INPP4A: variants seen among roughly 807,000 people sequenced by gnomAD.
INPP4A encodes the protein inositol polyphosphate-4-phosphatase type I A, also known as inositol polyphosphate-4-phosphatase, type I, 107kD.
Under a neutral mutation model 119.8 loss-of-function variants are expected in INPP4A, and 33 were observed. That is an observed-to-expected ratio of 0.28 (90% CI 0.21 to 0.37). INPP4A has a LOEUF of 0.37. Ranked by LOEUF, INPP4A falls within the 10% of genes least tolerant of loss-of-function variation. INPP4A has a pLI of 1.00. For synonymous variants in INPP4A, 496 were observed against 500.7 expected (o/e 0.99, Z 0.12); for missense variants, 956 against 1,289.9 (o/e 0.74, Z 3.97).
rs199734337 is a variant in INPP4A at position 98,590,420 on chromosome 2, ACT to A, written c.*2815_*2816del. 1.2e-3 allele frequency: 222 copies of A among 188,118 alleles called. 1 individual carries two copies. Among genetic ancestry groups the A allele is most frequent in the African/African-American group, 5.0e-3 (214 of 42,872 alleles). The allele number at this position is 188,118 out of a possible 1,614,324, so 11.7% of individuals were successfully genotyped here. A position where few individuals can be genotyped will look rare whatever the true frequency, so the allele number is the denominator to read the frequency against. On this transcript the variant is annotated 3_prime_UTR_variant, in exon 25 of 25. Transcript: ENST00000409851. Reference sequence around the variant, plus strand: ...TGGTTCTGCCCCTGACTGGCTGGTGACTCTGAGCAAGTTGCTTGACCTCTCCA... The same window carrying A: ...TGGTTCTGCCCCTGACTGGCTGGTGACTGAGCAAGTTGCTTGACCTCTCCA...
In INPP4A at chr2:98,591,625, A is replaced by T. The variant is rs1700409102; in HGVS notation, c.*4017A>T. 1 of 152,102 alleles carries T rather than the reference A, an allele frequency of 6.6e-6. No homozygotes were observed. Among genetic ancestry groups the T allele is most frequent in the African/African-American group, 2.4e-5 (1 of 41,380 alleles). The allele number at this position is 152,102 out of a possible 1,614,324, so 9.4% of individuals were successfully genotyped here. A position where few individuals can be genotyped will look rare whatever the true frequency, so the allele number is the denominator to read the frequency against. On this transcript the variant is annotated 3_prime_UTR_variant, in exon 25 of 25. Transcript: ENST00000409851. ...GGTGCTGCGCTTCAGTTTCCTGTTG[A>T]GTCTCTGCTTAGTAGATGACTTGGC...
Position 98,572,776 on chromosome 2 carries a change from G to C in INPP4A, c.2519-39G>C, listed in dbSNP as rs542443091. On this transcript the variant is annotated intron_variant, in intron 22 of 24. Coordinates refer to ENST00000409851, the MANE Select transcript of INPP4A (RefSeq NM_001134225.2). ...CTCCCTCTGCCGGGGGAGTTCCTGGGTGCGTCACCCACTCCCACGAACTCC... is the reference window on the plus strand; with the variant it reads ...CTCCCTCTGCCGGGGGAGTTCCTGGCTGCGTCACCCACTCCCACGAACTCC... 1.4e-5 allele frequency: 21 copies of C among 1,448,670 alleles called. No individual in the cohort carries two copies. The South Asian group carries it at 2.7e-4, about 18-fold the overall frequency. The allele number at this position is 1,448,670 out of a possible 1,614,324, so 89.7% of individuals were successfully genotyped here.
intron 11 of INPP4A, among the ~76,000 whole-genome samples, chr2:98,544,662 A>G (rs925206445): frequency 2.0e-5 from 3 of 152,156 alleles, no homozygotes; most frequent in African/African-American, 7.2e-5. Context: ...TCATTACTCT[A>G]TATATTGCTT....
At chr2:98,500,389 C>T (rs962740393) in intron 1 of INPP4A, among the ~76,000 whole-genome samples, 9 of 152,156 alleles carry the variant, frequency 5.9e-5, no homozygotes, top group Admixed American at 1.3e-4. Context: ...GGCGTGCTGT[C>T]CTCCATGCAT....
intron 4 of INPP4A, among the ~76,000 whole-genome samples, chr2:98,530,155 A>G (rs1688944607): frequency 6.6e-6 from 1 of 152,122 alleles, no homozygotes; most frequent in African/African-American, 2.4e-5. Flanking sequence ...TTTTCTAGAT[A>G]AATAACAAAC....
intron 1 of INPP4A, among the ~76,000 whole-genome samples, chr2:98,472,853 T>G (rs1676333472): frequency 6.6e-6 from 1 of 152,228 alleles, no homozygotes; most frequent in African/African-American, 2.4e-5. Context: ...CCTCCAGGCC[T>G]CCCTCTCCAT....
rs1250696631 is a variant in INPP4A at position 98,590,768 on chromosome 2, G to A, written c.*3160G>A. The A allele has an allele frequency of 1.8e-5, 4 of 225,310 alleles. No homozygotes were observed. The highest frequency in any genetic ancestry group is 8.9e-5 in the African/African-American group (4 of 44,934). 14.0% of individuals were successfully genotyped at this position (225,310 alleles called of 1,614,324 possible). A position where few individuals can be genotyped will look rare whatever the true frequency, so the allele number is the denominator to read the frequency against. Reference sequence around the variant, plus strand: ...CTCTCACTGGAAATGTACAATTAAAGGATGATTGAAATGTTTAACTCTTGG... The same window carrying A: ...CTCTCACTGGAAATGTACAATTAAAAGATGATTGAAATGTTTAACTCTTGG... On this transcript the variant is annotated 3_prime_UTR_variant, in exon 25 of 25. Coordinates refer to ENST00000409851, the MANE Select transcript of INPP4A (RefSeq NM_001134225.2).
Position 98,450,993 on chromosome 2 carries a change from A to G in INPP4A, c.-166+5908A>G, listed in dbSNP as rs1695124697. ...ACCATGTTGGCCAGGCTGTTCTTGA[A>G]CTCCTCACCTCAGGTGATCCACCCA... is the stretch of plus-strand genomic sequence containing the variant. On this transcript the variant is annotated intron_variant, in intron 1 of 24. Transcript: ENST00000409851. Among the ~76,000 whole-genome samples, 4 of 150,458 alleles carry G rather than the reference A, an allele frequency of 2.7e-5. 1 individual carries two copies. The South Asian group carries it at 8.5e-4, about 32-fold the overall frequency.
At chr2:98,504,045 GC>G (rs1257468604) in intron 1 of INPP4A, among the ~76,000 whole-genome samples, 1 of 152,196 alleles carries the variant, frequency 6.6e-6, no homozygotes, top group African/African-American at 2.4e-5. Context: ...TTTAAAAACT[GC>G]ATTTCTTTTT....
At chr2:98,524,758 A>G (rs1025670093) in intron 4 of INPP4A, among the ~76,000 whole-genome samples, 3 of 152,362 alleles carry the variant, frequency 2.0e-5, no homozygotes, top group South Asian at 4.1e-4. Context: ...GTCCAGGCAG[A>G]CATAATAGAA....
intron 24 of INPP4A, among the ~76,000 whole-genome samples, chr2:98,586,062 G>A (rs557133662): frequency 2.0e-5 from 3 of 152,224 alleles, no homozygotes; most frequent in Non-Finnish European, 4.4e-5. Flanking sequence ...CTGAATGAAT[G>A]TTAGGCAAAC....
chr2:98,553,068 C>T (rs1168637088), intron 14 of INPP4A, 99 bp downstream of exon 14: 9 of 927,020 alleles, frequency 9.7e-6, no homozygotes, highest in South Asian at 1.7e-5. Context: ...CCACAAAGAG[C>T]GTGACATTGG....
At chr2:98,585,081 C>T (rs1490267376) in intron 24 of INPP4A, among the ~76,000 whole-genome samples, 2 of 152,178 alleles carry the variant, frequency 1.3e-5, no homozygotes, top group African/African-American at 4.8e-5. Context: ...GAGTGGTTCT[C>T]TTTGGATGGT....
chr2:98,499,953 G>A (rs1320767446), intron 1 of INPP4A, among the ~76,000 whole-genome samples: 1 of 152,204 alleles, frequency 6.6e-6, no homozygotes, highest in African/African-American at 2.4e-5. Context: ...GGGTGTACTT[G>A]TGTCCGTGGG....
chr2:98,491,413 A>G (rs914691116), intron 1 of INPP4A, among the ~76,000 whole-genome samples: 3 of 152,170 alleles, frequency 2.0e-5, no homozygotes, highest in Non-Finnish European at 4.4e-5. Context: ...TCTTCTTTTT[A>G]AAGCATTTAC....
intron 1 of INPP4A, among the ~76,000 whole-genome samples, chr2:98,460,136 T>TGTGTGTGTGTGTGTGTG (rs1558872495): frequency 1.3e-5 from 2 of 152,014 alleles, no homozygotes; most frequent in African/African-American, 4.8e-5. Flanking sequence ...TGTGTGTATG[T>TGTGTGTGTGTGTGTGTG]TTAAAATTAA....
At chr2:98,581,802 C>T (rs775107906) in intron 24 of INPP4A, 1 of 1,572,720 alleles carries the variant, frequency 6.4e-7, no homozygotes, top group Non-Finnish European at 8.6e-7. Context: ...ACAAAAGTGC[C>T]AGAACATGTC....
At chr2:98,533,975 A>G (rs1013328199) in intron 5 of INPP4A, among the ~76,000 whole-genome samples, 4 of 152,238 alleles carry the variant, frequency 2.6e-5, no homozygotes, top group African/African-American at 4.8e-5. Flanking sequence ...ACATTTGTGG[A>G]TAAACATTTA....
At chr2:98,562,402 CTCTCGG>C (rs1270802237) in intron 17 of INPP4A, among the ~76,000 whole-genome samples, 3 of 152,228 alleles carry the variant, frequency 2.0e-5, no homozygotes, top group Non-Finnish European at 4.4e-5. Flanking sequence ...AGCCGCCCTT[CTCTCGG>C]TCTCTGAGAT....
Sources: allele counts gnomAD v4.1 joint callset (sites outside exome capture counted in the v4.1 genomes callset), GRCh38; gene constraint gnomAD v4.1.1; transcripts MANE v1.5; gene names NCBI Gene and HGNC (gene_info 2026-07-23, HGNC 2026-07-21).